The following ABCC1 variants were observed in gnomAD, a reference collection of about 807,000 sequenced individuals.
ABCC1 encodes multidrug resistance-associated protein 1.
In ABCC1, 83 loss-of-function variants were observed where a neutral mutation model predicts 172.9. The ratio of observed to expected loss-of-function variants is 0.48; its 90% confidence interval spans 0.40 to 0.58. ABCC1 has a LOEUF of 0.58. Among genes scored for constraint, ABCC1 ranks in the 20% least tolerant of loss-of-function variants. ABCC1 has a pLI of 0.00. For synonymous variants in ABCC1, 937 were observed against 825.2 expected (o/e 1.14, Z -2.32); for missense variants, 1,817 against 2,002.7 (o/e 0.91, Z 1.77).
Position 16,048,179 on chromosome 16 carries a change from C to G in ABCC1, c.1256C>G (p.Thr419Arg). The G allele has an allele frequency of 6.2e-7, 1 of 1,614,192 alleles. No individual in the cohort carries two copies. The change falls in exon 10 of 31, where the codon ACG becomes AGG. Residue 419 changes from threonine to arginine, a missense_variant. Physicochemically the swap from Thr to Arg is moderately conservative, Grantham distance 71. Coordinates refer to ENST00000399410, the MANE Select transcript of ABCC1 (RefSeq NM_004996.4). ...VITNSARKSS[T>R]VGEIVNLMSV... is the part of the protein sequence containing the mutation. ...ACCAATTCAGCCAGAAAATCCTCCA[C>G]GGTCGGGGAGATTGTCAACCTCATG...
At chr16:16,020,352 G>A (rs377525038) in intron 5 of ABCC1, among the ~76,000 whole-genome samples, 1 of 152,310 alleles carries the variant, frequency 6.6e-6, no homozygotes, top group South Asian at 2.1e-4. Context: ...TGTCCAGGAA[G>A]CCTGAACTTC....
At position 16,007,845 on chromosome 16, in the gene ABCC1, C is replaced by A. The variant is rs1314663568; in HGVS notation, c.78C>A (p.Asn26Lys). 2 of 1,613,196 alleles carry A rather than the reference C, an allele frequency of 1.2e-6. No individual in the cohort carries two copies. Among genetic ancestry groups the A allele is most frequent in the Non-Finnish European group, 1.7e-6 (2 of 1,179,656 alleles). The part of the protein sequence containing the change: ...WDWNVTWNTS[N>K]PDFTKCFQNT... ...GGAATGTCACGTGGAATACCAGCAA[C>A]CCCGACTTCACCAAGTGCTTTCAGA... Residue 26 changes from asparagine to lysine, a missense_variant, in exon 2 of 31, where the codon AAC (asparagine) becomes AAA (lysine). Asn to Lys is a moderately conservative substitution (Grantham distance 94, BLOSUM62 0). Transcript: ENST00000399410.
chr16:16,038,838 A>G (rs2048854334), intron 7 of ABCC1, among the ~76,000 whole-genome samples: 1 of 152,128 alleles, frequency 6.6e-6, no homozygotes, highest in Admixed American at 6.6e-5. Flanking sequence ...CTCTCATGGA[A>G]GACGGATGCC....
At chr16:16,087,189 C>T (rs1372549444) in intron 18 of ABCC1, among the ~76,000 whole-genome samples, 198 bp downstream of exon 18, 2 of 152,144 alleles carry the variant, frequency 1.3e-5, no homozygotes, top group Non-Finnish European at 2.9e-5. Context: ...GGGGTAAGTC[C>T]TCCGCGCAGA....
chr16:16,033,632 A>G (rs967734979), intron 6 of ABCC1, among the ~76,000 whole-genome samples: 2 of 151,864 alleles, frequency 1.3e-5, no homozygotes, highest in African/African-American at 4.8e-5. Context: ...CCATTTTAGT[A>G]TGCCTTCTTC....
At chr16:16,032,802 T>C (rs558899508) in intron 5 of ABCC1, among the ~76,000 whole-genome samples, 1 of 152,246 alleles carries the variant, frequency 6.6e-6, no homozygotes, top group East Asian at 1.9e-4. Context: ...ATGAGTGAAG[T>C]AGGGATGACG....
Position 16,100,146 on chromosome 16 carries a change from T to G in ABCC1, c.2645-2481T>G, listed in dbSNP as rs554465855. 2.0e-5 allele frequency among the ~76,000 whole-genome samples: 3 copies of G among 152,244 alleles called. No homozygotes were observed. In the East Asian group the frequency reaches 5.8e-4, roughly 29 times the overall value. ...GACTAACTGATGTTCAGATTCCTCC[T>G]CTTAGGCGCTTGGTCCTCCTCCGTG... On this transcript the variant is annotated intron_variant, in intron 19 of 30. Transcript: ENST00000399410.
At chr16:16,113,527 T>C (rs1347495275) in intron 22 of ABCC1, among the ~76,000 whole-genome samples, 1 of 152,078 alleles carries the variant, frequency 6.6e-6, no homozygotes, top group Non-Finnish European at 1.5e-5. Flanking sequence ...TGGTGGCGCA[T>C]GTCTGTAATC....
chr16:15,981,993 G>GAGTC (rs1409162035), intron 1 of ABCC1, among the ~76,000 whole-genome samples: 10 of 152,274 alleles, frequency 6.6e-5, no homozygotes, highest in African/African-American at 2.4e-4. Flanking sequence ...AGCATAGCAA[G>GAGTC]AGTCACCTTG....
At chr16:16,073,423 C>G (rs886215800) in intron 14 of ABCC1, among the ~76,000 whole-genome samples, 5 of 152,186 alleles carry the variant, frequency 3.3e-5, no homozygotes, top group Non-Finnish European at 7.3e-5. Flanking sequence ...CATCACAGCC[C>G]TCTGAAGTTG....
chr16:16,014,538 G>A lies in ABCC1; in HGVS notation c.399G>A (p.Gln133=). ...AGCTGGAGAGGAGGAAGGGAGTTCAGTCTTCAGGGATCATGCTCACTTTCT... is the reference window on the plus strand; with the variant it reads ...AGCTGGAGAGGAGGAAGGGAGTTCAATCTTCAGGGATCATGCTCACTTTCT... The part of the protein sequence containing the change: ...LIQLERRKGV[Q]SSGIMLTFWL... The change falls in exon 4 of 31, where the codon CAG becomes CAA. Residue 133 remains glutamine (Q), a synonymous_variant. Coordinates refer to ENST00000399410, the MANE Select transcript of ABCC1 (RefSeq NM_004996.4). 6.2e-7 allele frequency: 1 copy of A among 1,614,160 alleles called. No homozygotes were observed.
intron 26 of ABCC1, among the ~76,000 whole-genome samples, chr16:16,128,149 C>T (rs1245158863): frequency 6.8e-6 from 1 of 146,952 alleles, no homozygotes; most frequent in Non-Finnish European, 1.5e-5. Context: ...CCATGGAATT[C>T]ACCCAGTTAA....
Position 16,051,461 on chromosome 16 carries a change from C to T in ABCC1, c.1381-1263C>T, listed in dbSNP as rs145310517. ...GTGATGGGATTACAGGTGTCAGTCA[C>T]TGCACCTGGCCACAAGGCTATAAGT... is the stretch of plus-strand genomic sequence containing the variant. On this transcript the variant is annotated intron_variant, in intron 10 of 30. Transcript: ENST00000399410. Among the ~76,000 whole-genome samples the T allele has an allele frequency of 2.3e-3, 343 of 152,256 alleles. 1 individual carries two copies. The highest frequency in any genetic ancestry group is 6.1e-3 in the African/African-American group (253 of 41,552).
At chr16:15,990,238 G>C (rs892155257) in intron 1 of ABCC1, among the ~76,000 whole-genome samples, 2 of 152,020 alleles carry the variant, frequency 1.3e-5, no homozygotes, top group African/African-American at 2.4e-5. Flanking sequence ...GTAGAGACAG[G>C]GTTTCACCAT....
intron 27 of ABCC1, 130 bp downstream of exon 27, chr16:16,132,065 G>T (rs115413121): frequency 5.5e-5 from 67 of 1,215,724 alleles, no homozygotes; most frequent in Middle Eastern, 4.3e-4. Context: ...TGGCTTTTTG[G>T]GGGGCTGGGA....
At chr16:15,971,913 G>A (rs2046378973) in intron 1 of ABCC1, among the ~76,000 whole-genome samples, 1 of 152,076 alleles carries the variant, frequency 6.6e-6, no homozygotes, top group Non-Finnish European at 1.5e-5. Flanking sequence ...CAAGAAGGAA[G>A]GGAGAAGGAA....
intron 12 of ABCC1, among the ~76,000 whole-genome samples, chr16:16,058,826 A>T (rs960937614): frequency 1.3e-5 from 2 of 151,992 alleles, no homozygotes; most frequent in African/African-American, 2.4e-5. Context: ...AATTTTTAAA[A>T]TATCTTTAGT....
chr16:16,080,243 A>C (rs560701075), intron 16 of ABCC1, among the ~76,000 whole-genome samples: 2 of 152,204 alleles, frequency 1.3e-5, no homozygotes, highest in Admixed American at 6.5e-5. Context: ...CTTTATCTTT[A>C]TGGATCTCTG....
intron 8 of ABCC1, 79 bp from the exon 9 acceptor site, chr16:16,045,757 G>A (rs2049179026): frequency 7.2e-6 from 10 of 1,386,552 alleles, no homozygotes; most frequent in Non-Finnish European, 1.0e-5. Flanking sequence ...GGAGAAAGTT[G>A]CAGTGCCAAC....
Sources: allele counts gnomAD v4.1 joint callset (sites outside exome capture counted in the v4.1 genomes callset), GRCh38; gene constraint gnomAD v4.1.1; transcripts MANE v1.5; gene names NCBI Gene and HGNC (gene_info 2026-07-23, HGNC 2026-07-21).